Variants in NRXN1 observed in about 807,000 individuals in gnomAD.
NRXN1 encodes the protein neurexin 1.
A neutral mutation model predicts 150.9 loss-of-function variants in NRXN1; 39 were observed. The ratio of observed to expected loss-of-function variants is 0.26; its 90% confidence interval spans 0.20 to 0.34. NRXN1 has a LOEUF of 0.34. NRXN1 is among the 10% of genes least tolerant of loss of function. The pLI, the probability that NRXN1 is intolerant of heterozygous loss-of-function variation, is 1.00. For synonymous variants in NRXN1, 924 were observed against 757.0 expected (o/e 1.22, Z -3.62); for missense variants, 1,815 against 1,949.9 (o/e 0.93, Z 1.30).
intron 21 of NRXN1, among the ~76,000 whole-genome samples, chr2:50,037,399 C>T (rs1265095585): frequency 1.3e-5 from 2 of 152,122 alleles, no homozygotes; most frequent in East Asian, 1.9e-4. Flanking sequence ...CCTTCTAACA[C>T]TACTTTAATA....
intron 5 of NRXN1, among the ~76,000 whole-genome samples, chr2:50,736,183 C>A (rs1484733855): frequency 6.6e-6 from 1 of 152,178 alleles, no homozygotes; most frequent in Non-Finnish European, 1.5e-5. Flanking sequence ...TACCATAGGA[C>A]CTTTGAACAT....
rs114318210 is a variant in NRXN1 at position 50,134,812 on chromosome 2, G to A, written c.3547-43318C>T. Among the ~76,000 whole-genome samples the A allele has an allele frequency of 9.8e-3, 1,489 of 152,216 alleles. 27 individuals are homozygous for A. Among genetic ancestry groups the A allele is most frequent in the African/African-American group, 0.034 (1,412 of 41,508 alleles). On this transcript the variant is annotated intron_variant, in intron 18 of 22. Transcript: ENST00000401669. ...TTGTACATTTTGTGATACCATCATT[G>A]ATGAAATTGATGAAAGCCTCTAATG...
chr2:50,662,752 G>A (rs917858171), intron 5 of NRXN1, among the ~76,000 whole-genome samples: 2 of 151,926 alleles, frequency 1.3e-5, no homozygotes, highest in Non-Finnish European at 2.9e-5. Context: ...CTGAAACAAT[G>A]AGAATTTTGA....
At position 50,312,939 on chromosome 2, in the gene NRXN1, C is replaced by T. The variant is rs556130797; in HGVS notation, c.3365-75969G>A. On this transcript the variant is annotated intron_variant, in intron 17 of 22. Transcript: ENST00000401669. ...CAGAATTCTGATGGAGTTCTTGGGG[C>T]TTTCTTGGGAGTCACTTCCTTAGAA... 3.9e-5 allele frequency among the ~76,000 whole-genome samples: 6 copies of T among 152,128 alleles called. No individual in the cohort carries two copies. The South Asian group carries it at 1.0e-3, about 26-fold the overall frequency.
intron 9 of NRXN1, among the ~76,000 whole-genome samples, chr2:50,543,980 T>C (rs2093440849): frequency 6.6e-6 from 1 of 152,148 alleles, no homozygotes; most frequent in Non-Finnish European, 1.5e-5. Context: ...AGGATAGATC[T>C]GTTAGGCTTC....
rs574827046 is a variant in NRXN1 at position 50,957,611 on chromosome 2, C to A, written c.773-31656G>T. ...TATTAGTAATCAATAAATGATTCTG[C>A]GGCTTTATCATATGTATGAAATTTG... On this transcript the variant is annotated intron_variant, in intron 2 of 22. Coordinates refer to ENST00000401669, the MANE Select transcript of NRXN1 (RefSeq NM_001330078.2). Among the ~76,000 whole-genome samples, 5 of 152,144 alleles carry A rather than the reference C, an allele frequency of 3.3e-5. No homozygotes were observed. In the South Asian group the frequency reaches 1.0e-3, roughly 32 times the overall value.
At chr2:50,895,779 C>T (rs56065374) in intron 5 of NRXN1, among the ~76,000 whole-genome samples, 1 of 151,796 alleles carries the variant, frequency 6.6e-6, no homozygotes, top group South Asian at 2.1e-4. Flanking sequence ...GGGGTTTCAC[C>T]ATGTCAGCCA....
rs1474903085 is a variant in NRXN1 at position 50,152,793 on chromosome 2, A to C, written c.3547-61299T>G. ...TGACGGTTTGATTCTAATATGACTC[A>C]GTGGTTTCCCTTTGAATTCATCCTA... On this transcript the variant is annotated intron_variant, in intron 18 of 22. Coordinates refer to ENST00000401669, the MANE Select transcript of NRXN1 (RefSeq NM_001330078.2). 2.6e-5 allele frequency among the ~76,000 whole-genome samples: 4 copies of C among 151,662 alleles called. No individual in the cohort carries two copies. The Admixed American group carries it at 2.6e-4, about 10-fold the overall frequency.
chr2:50,254,797 AT>A (rs2067531165), intron 17 of NRXN1, among the ~76,000 whole-genome samples: 1 of 152,028 alleles, frequency 6.6e-6, no homozygotes, highest in Non-Finnish European at 1.5e-5. Flanking sequence ...TGATTTATCT[AT>A]CCACATTTAT....
At chr2:50,920,625 C>T (rs778543216) in intron 5 of NRXN1, among the ~76,000 whole-genome samples, 1 of 151,536 alleles carries the variant, frequency 6.6e-6, no homozygotes, top group Non-Finnish European at 1.5e-5. Context: ...TGAGAAATGC[C>T]CACTTAAGAG....
At chr2:50,865,580 ATGTGTGTGTGTGTGTGTGTGTG>A (rs112867077) in intron 5 of NRXN1, among the ~76,000 whole-genome samples, 159 of 130,774 alleles carry the variant, frequency 1.2e-3, no homozygotes, top group Middle Eastern at 3.9e-3. Flanking sequence ...AAATATATAA[ATGTGTGTGTGTGTGTGTGTGTG>A]TGTGTGTGTG....
At chr2:50,766,926 T>C (rs954601033) in intron 5 of NRXN1, among the ~76,000 whole-genome samples, 6 of 152,130 alleles carry the variant, frequency 3.9e-5, no homozygotes, top group Admixed American at 6.6e-5. Context: ...ACTTTGTTCA[T>C]ACCAACCCAT....
intron 8 of NRXN1, among the ~76,000 whole-genome samples, chr2:50,603,807 A>G (rs1676663636): frequency 6.6e-6 from 1 of 152,210 alleles, no homozygotes; most frequent in African/African-American, 2.4e-5. Context: ...GTTGAATAAA[A>G]TGCATTGCGT....
At chr2:50,756,029 G>A (rs1381585854) in intron 5 of NRXN1, among the ~76,000 whole-genome samples, 1 of 151,790 alleles carries the variant, frequency 6.6e-6, no homozygotes, top group Admixed American at 6.6e-5. Flanking sequence ...CCAAGAACAG[G>A]CCTACTTAAT....
chr2:50,915,715 C>G (rs562290136), intron 5 of NRXN1, among the ~76,000 whole-genome samples: 1 of 151,134 alleles, frequency 6.6e-6, no homozygotes, highest in Admixed American at 6.6e-5. Flanking sequence ...TTTGTTAAAC[C>G]TTTGGCAGAT....
intron 5 of NRXN1, among the ~76,000 whole-genome samples, chr2:50,843,232 C>A (rs568406709): frequency 1.3e-5 from 2 of 152,068 alleles, no homozygotes; most frequent in Non-Finnish European, 2.9e-5. Context: ...AGCCATTATT[C>A]CACAAACAAT....
Position 50,277,382 on chromosome 2 carries a change from G to GTCCTTCCTTCCTTCCTTCCTTCCTTCCT in NRXN1, c.3365-40413_3365-40412insAGGAAGGAAGGAAGGAAGGAAGGAAGGA, listed in dbSNP as rs1159581983. Among the ~76,000 whole-genome samples the GTCCTTCCTTCCTTCCTTCCTTCCTTCCT allele has an allele frequency of 5.1e-4, 68 of 132,140 alleles. 1 individual carries two copies. Among genetic ancestry groups the GTCCTTCCTTCCTTCCTTCCTTCCTTCCT allele is most frequent in the South Asian group, 7.9e-4 (3 of 3,798 alleles). The allele number at this position is 132,140 out of a possible 152,430, so 86.7% of individuals were successfully genotyped here. On this transcript the variant is annotated intron_variant, in intron 17 of 22. Transcript: ENST00000401669. ...GGCCAAGAGGAACTCAAAAAGGTCCGTCCTTCCTTCCTTCCTTCCTCCCTC... is the reference window on the plus strand; with the variant it reads ...GGCCAAGAGGAACTCAAAAAGGTCCGTCCTTCCTTCCTTCCTTCCTTCCTTCCTTCCTTCCTTCCTTCCTTCCTCCCTC...
chr2:50,519,324 CT>C, intron 12 of NRXN1, among the ~76,000 whole-genome samples: 1 of 151,960 alleles, frequency 6.6e-6, no homozygotes, highest in East Asian at 1.9e-4. Context: ...ATTAAGCTAG[CT>C]TTTAGTCAGT....
chr2:50,411,914 A>G (rs1296280854), intron 17 of NRXN1, among the ~76,000 whole-genome samples: 13 of 152,224 alleles, frequency 8.5e-5, no homozygotes, highest in Non-Finnish European at 5.9e-5. Context: ...TCAGATTGTT[A>G]CTGTGTCTGT....
Sources: gnomAD v4.1 joint callset for allele counts (sites outside exome capture counted in the v4.1 genomes callset) on GRCh38, gnomAD v4.1.1 for gene constraint, MANE v1.5 for transcripts, NCBI Gene and HGNC (gene_info 2026-07-23, HGNC 2026-07-21) for gene names.